Variants in IQSEC3 observed in about 807,000 individuals in gnomAD.
IQSEC3 encodes IQ motif and Sec7 domain ArfGEF 3.
IQSEC3 carries 50 observed loss-of-function variants against 105.4 expected under a neutral mutation model. The observed-to-expected ratio is 0.47, with a 90% CI of 0.38 to 0.60. IQSEC3 has a LOEUF of 0.60. IQSEC3 is among the 20% of genes least tolerant of loss of function. The probability of loss-of-function intolerance (pLI) is 0.00; values close to 1 mark genes in which losing one functional copy is unlikely to be tolerated. For missense variants in IQSEC3, 1,415 were observed against 1,630.0 expected (o/e 0.87, Z 2.27); for synonymous variants, 708 against 746.0 (o/e 0.95, Z 0.83).
chr12:139,573 A>G (rs1193740370), intron 4 of IQSEC3: 2 of 442,592 alleles, frequency 4.5e-6, no homozygotes, highest in Non-Finnish European at 7.9e-6. Context: ...AAGAAAGATT[A>G]AAGGAAAAAA....
intron 2 of IQSEC3, 24 bp downstream of exon 2, chr12:99,238 C>T: frequency 6.3e-7 from 1 of 1,591,556 alleles, no homozygotes; most frequent in East Asian, 2.2e-5. Flanking sequence ...CCCTTCCTCC[C>T]TTCCGCATCC....
At chr12:162,877 A>C (rs1287748477) in intron 8 of IQSEC3, among the ~76,000 whole-genome samples, 2 of 152,120 alleles carry the variant, frequency 1.3e-5, no homozygotes, top group African/African-American at 4.8e-5. Flanking sequence ...AGCCTGGGGC[A>C]GGGGATGCCC....
chr12:155,117 G>A (rs928101566), intron 5 of IQSEC3, among the ~76,000 whole-genome samples: 12 of 152,220 alleles, frequency 7.9e-5, no homozygotes, highest in African/African-American at 1.9e-4. Flanking sequence ...GGATGTGGCC[G>A]CATAGGGCCT....
intron 1 of IQSEC3, among the ~76,000 whole-genome samples, chr12:68,513 G>A (rs1555066637): frequency 6.6e-6 from 1 of 152,232 alleles, no homozygotes; most frequent in Non-Finnish European, 1.5e-5. Flanking sequence ...ATATGAAAGT[G>A]TCTGGGATGT....
intron 5 of IQSEC3, among the ~76,000 whole-genome samples, chr12:142,810 C>T (rs1555089701): frequency 6.6e-6 from 1 of 152,218 alleles, no homozygotes; most frequent in African/African-American, 2.4e-5. Context: ...TCACGCCCTT[C>T]CTTTTCTGTG....
At chr12:124,152 T>A (rs1274109442) in intron 2 of IQSEC3, among the ~76,000 whole-genome samples, 1 of 152,022 alleles carries the variant, frequency 6.6e-6, no homozygotes, top group African/African-American at 2.4e-5. Context: ...TTTGGGAGGC[T>A]GAGGCGGGTG....
chr12:158,592 G>A (rs1386773555), intron 7 of IQSEC3, among the ~76,000 whole-genome samples: 1 of 152,164 alleles, frequency 6.6e-6, no homozygotes, highest in Non-Finnish European at 1.5e-5. Flanking sequence ...ACCATTTGAC[G>A]AGTCCTGCCA....
chr12:68,233 C>G, intron 1 of IQSEC3, among the ~76,000 whole-genome samples: 1 of 150,184 alleles, frequency 6.7e-6, no homozygotes, highest in South Asian at 2.1e-4. Flanking sequence ...TCCTCCAACT[C>G]AAGGAGGGTT....
At chr12:171,467 G>C (rs1005437704) in intron 13 of IQSEC3, 1 of 692,830 alleles carries the variant, frequency 1.4e-6, no homozygotes, top group Non-Finnish European at 2.4e-6. Context: ...CTTCCTGTGT[G>C]CCCCCAAATC....
intron 13 of IQSEC3, among the ~76,000 whole-genome samples, chr12:172,226 C>G (rs1939041921): frequency 6.6e-6 from 1 of 151,634 alleles, no homozygotes; most frequent in African/African-American, 2.4e-5. Flanking sequence ...CCCCCATGGC[C>G]CCCCACCCCC....
At chr12:126,544 GGTGTGT>G (rs56871643) in intron 3 of IQSEC3, among the ~76,000 whole-genome samples, 18 of 145,830 alleles carry the variant, frequency 1.2e-4, no homozygotes, top group South Asian at 6.7e-4. Context: ...CTTGATGGAA[GGTGTGT>G]GTGTGTGTGT....
chr12:140,747 G>T (rs1865984168), intron 4 of IQSEC3: 1 of 202,008 alleles, frequency 5.0e-6, no homozygotes, highest in Non-Finnish European at 9.9e-6. Context: ...TGTGGCGGAG[G>T]TCTCACCTCT....
chr12:131,195 G>A (rs1473218313), intron 3 of IQSEC3, among the ~76,000 whole-genome samples: 4 of 152,280 alleles, frequency 2.6e-5, no homozygotes, highest in Middle Eastern at 6.8e-3. Context: ...TTAGAGAGAC[G>A]GAGGCCCCCG....
Position 125,765 on chromosome 12 carries a change from G to A in IQSEC3, c.756G>A (p.Arg252=). ...AGGAGCTGCAGGAGGAGGAGGAGCG[G>A]CCGGGGGCAGGGGCTGCCTCCCCAA... ...QAQELQEEEE[R]PGAGAASPRA... The change falls in exon 3 of 14, where the codon CGG becomes CGA. Residue 252 remains arginine, a synonymous_variant. Transcript: ENST00000538872. The A allele has an allele frequency of 6.6e-7, 1 of 1,512,608 alleles. No individual in the cohort carries two copies. The highest frequency in any genetic ancestry group is 2.5e-5 in the East Asian group (1 of 40,572). The allele number at this position is 1,512,608 out of a possible 1,614,324, so 93.7% of individuals were successfully genotyped here.
intron 5 of IQSEC3, among the ~76,000 whole-genome samples, chr12:154,089 C>G (rs376150121): frequency 1.3e-5 from 2 of 152,194 alleles, no homozygotes; most frequent in Non-Finnish European, 2.9e-5. Flanking sequence ...CAGCCCTCCC[C>G]GCTTCGAGGC....
At chr12:136,374 C>G (rs782542914) in intron 3 of IQSEC3, among the ~76,000 whole-genome samples, 2 of 152,178 alleles carry the variant, frequency 1.3e-5, no homozygotes, top group Non-Finnish European at 2.9e-5. Flanking sequence ...GTGTCCTGAG[C>G]TAAGAGGCTA....
chr12:171,039 G>A (rs918450320), intron 12 of IQSEC3, 73 bp from the exon 13 acceptor site: 1 of 1,579,322 alleles, frequency 6.3e-7, no homozygotes, highest in Non-Finnish European at 8.7e-7. Flanking sequence ...AGAGATGCTT[G>A]AGGGGCACAG....
rs191934335 is a variant in IQSEC3 at position 109,454 on chromosome 12, T to C, written c.623+10240T>C. Among the ~76,000 whole-genome samples, 331 of 152,292 alleles carry C rather than the reference T, an allele frequency of 2.2e-3. 1 individual carries two copies. Among genetic ancestry groups the C allele is most frequent in the African/African-American group, 7.7e-3 (319 of 41,554 alleles). On this transcript the variant is annotated intron_variant, in intron 2 of 13. Coordinates refer to ENST00000538872, the MANE Select transcript of IQSEC3 (RefSeq NM_001170738.2). ...CCCTGGTGGACTCACAGCCTCTCAG[T>C]GAAACAGCAGCAAACCTTAATGCTC...
intron 5 of IQSEC3, among the ~76,000 whole-genome samples, chr12:150,232 C>T (rs1013132978): frequency 2.6e-5 from 4 of 152,268 alleles, no homozygotes; most frequent in Non-Finnish European, 2.9e-5. Context: ...TCAGAATACG[C>T]GTGTGCTTCA....
Sources: allele counts gnomAD v4.1 joint callset (sites outside exome capture counted in the v4.1 genomes callset), GRCh38; gene constraint gnomAD v4.1.1; transcripts MANE v1.5; gene names NCBI Gene and HGNC (gene_info 2026-07-23, HGNC 2026-07-21).